Variants in USP7 observed in about 807,000 individuals in gnomAD.
USP7 encodes the protein ubiquitin specific peptidase 7.
A neutral mutation model predicts 162.9 loss-of-function variants in USP7; 9 were observed. The observed-to-expected ratio is 0.06, with a 90% CI of 0.03 to 0.10. The LOEUF (loss-of-function observed/expected upper bound fraction) is 0.10. Ranked by LOEUF, USP7 falls within the 10% of genes least tolerant of loss-of-function variation. USP7 has a pLI of 1.00. For synonymous variants in USP7, 562 were observed against 475.9 expected (o/e 1.18, Z -2.35); for missense variants, 715 against 1,373.7 (o/e 0.52, Z 7.58).
intron 1 of USP7, among the ~76,000 whole-genome samples, chr16:8,951,585 C>T (rs1899552686): frequency 6.6e-6 from 1 of 152,208 alleles, no homozygotes; most frequent in Non-Finnish European, 1.5e-5. Flanking sequence ...ATGAGGATGA[C>T]TGAGGACCTG....
intron 7 of USP7, 113 bp from the exon 8 acceptor site, chr16:8,916,669 C>A (rs188156374): frequency 7.4e-6 from 8 of 1,086,584 alleles, no homozygotes; most frequent in Non-Finnish European, 1.1e-5. Context: ...TTCTCAAATT[C>A]CTTTTCTGTG....
intron 10 of USP7, 113 bp downstream of exon 10, chr16:8,915,141 G>C: frequency 2.0e-6 from 2 of 1,017,108 alleles, no homozygotes; most frequent in Non-Finnish European, 2.8e-6. Flanking sequence ...CTTAAGATCT[G>C]AGCCATTCTC....
chr16:8,901,319 CGA>C lies in USP7; in HGVS notation c.2048-87_2048-86del. Reference sequence around the variant, plus strand: ...ACAAAAAAACAAACAAACAAAAAAACGAAAAAAAAAAAACAGTAAGCTGAATA... The same window carrying C: ...ACAAAAAAACAAACAAACAAAAAAACAAAAAAAAAAACAGTAAGCTGAATA... On this transcript the variant is annotated intron_variant, in intron 18 of 30. Transcript: ENST00000344836. The C allele has an allele frequency of 5.3e-6, 4 of 755,480 alleles. 1 individual carries two copies. Among genetic ancestry groups the C allele is most frequent in the Admixed American group, 3.7e-5 (1 of 27,006 alleles). 46.8% of individuals were successfully genotyped at this position (755,480 alleles called of 1,614,324 possible).
rs1043189480 is a variant in USP7 at position 8,894,466 on chromosome 16, C to G, written c.3202+84G>C. Reference sequence around the variant, plus strand: ...GGAGAGAGAGGAGCTGGCACTTGACCCTGGGGCTGCCCCTCCCAGCCCCAG... The same window carrying G: ...GGAGAGAGAGGAGCTGGCACTTGACGCTGGGGCTGCCCCTCCCAGCCCCAG... On this transcript the variant is annotated intron_variant, in intron 30 of 30. Coordinates refer to ENST00000344836, the MANE Select transcript of USP7 (RefSeq NM_003470.3). 12 of 1,407,750 alleles carry G rather than the reference C, an allele frequency of 8.5e-6. No individual in the cohort carries two copies. The African/African-American group carries it at 1.7e-4, about 20-fold the overall frequency. The allele number at this position is 1,407,750 out of a possible 1,614,324, so 87.2% of individuals were successfully genotyped here.
intron 1 of USP7, among the ~76,000 whole-genome samples, chr16:8,938,710 C>A (rs79983710): frequency 8.2e-5 from 12 of 145,994 alleles, no homozygotes; most frequent in Admixed American, 1.4e-4. Context: ...GACTCCGTCT[C>A]AAAAAAAAAA....
chr16:8,895,629 C>A lies in USP7; in HGVS notation c.2919+13G>T, dbSNP rs775317216. On this transcript the variant is annotated intron_variant, in intron 27 of 30. Transcript: ENST00000344836. Reference sequence around the variant, plus strand: ...GAATTCTCTCTGGTGCCAACAGTATCGGGGACAGATACCTCTATTCGAAAC... The same window carrying A: ...GAATTCTCTCTGGTGCCAACAGTATAGGGGACAGATACCTCTATTCGAAAC... The A allele has an allele frequency of 8.1e-6, 13 of 1,603,918 alleles. No homozygotes were observed. Among genetic ancestry groups the A allele is most frequent in the Non-Finnish European group, 1.1e-5 (13 of 1,172,752 alleles).
chr16:8,916,906 C>T (rs528856578), intron 7 of USP7, 120 bp downstream of exon 7: 3 of 1,162,444 alleles, frequency 2.6e-6, no homozygotes, highest in South Asian at 3.9e-5. Context: ...AATGCTCAAG[C>T]CTCCCTAAAT....
intron 1 of USP7, among the ~76,000 whole-genome samples, chr16:8,937,398 C>T (rs555248077): frequency 9.0e-4 from 137 of 152,246 alleles, no homozygotes; most frequent in Admixed American, 1.8e-3. Context: ...AAAAATTAGC[C>T]AGACGTGGTG....
chr16:8,953,167 TTC>T (rs982158353), intron 1 of USP7, among the ~76,000 whole-genome samples: 64 of 152,156 alleles, frequency 4.2e-4, no homozygotes, highest in African/African-American at 1.5e-3. Context: ...CTGTGTCGCC[TTC>T]TCTGTGAGGC....
chr16:8,950,565 G>C (rs979610491), intron 1 of USP7, among the ~76,000 whole-genome samples: 1 of 152,216 alleles, frequency 6.6e-6, no homozygotes. Context: ...GGCTGGGACA[G>C]AGCTTTCAGC....
At chr16:8,935,882 A>G (rs1898684102) in intron 1 of USP7, 1 of 152,134 alleles carries the variant, frequency 6.6e-6, no homozygotes, top group African/African-American at 2.4e-5. Context: ...CAGAACTGCT[A>G]CCCCACCAGA....
intron 1 of USP7, among the ~76,000 whole-genome samples, chr16:8,953,019 T>C (rs1374356462): frequency 2.6e-5 from 4 of 152,100 alleles, no homozygotes; most frequent in Admixed American, 6.5e-5. Context: ...GTATTTTTAG[T>C]AGAGACGGGG....
rs2061618655 is a variant in USP7 at position 8,892,766 on chromosome 16, A to G, written c.*1232T>C. 1 of 152,218 alleles carries G rather than the reference A, an allele frequency of 6.6e-6. No individual in the cohort carries two copies. The highest frequency in any genetic ancestry group is 2.1e-4 in the South Asian group (1 of 4,838). The allele number at this position is 152,218 out of a possible 1,614,324, so 9.4% of individuals were successfully genotyped here. A position where few individuals can be genotyped will look rare whatever the true frequency, so the allele number is the denominator to read the frequency against. ...ATCTTCCTCCACTTCCACGTAACTC[A>G]CTGAATTATAATTTTTATAGAAAAT... On this transcript the variant is annotated 3_prime_UTR_variant, in exon 31 of 31. Transcript: ENST00000344836.
chr16:8,962,716 G>A (rs1900063713), intron 1 of USP7: 1 of 181,192 alleles, frequency 5.5e-6, no homozygotes, highest in Non-Finnish European at 1.2e-5. Context: ...GCTAGGCAGT[G>A]CTGTTAGAAA....
chr16:8,930,421 C>T (rs754900602), intron 1 of USP7, 24 bp from the exon 2 acceptor site: 4 of 1,578,034 alleles, frequency 2.5e-6, no homozygotes, highest in African/African-American at 2.7e-5. Flanking sequence ...AAAGAAATTC[C>T]ACGGGTTTTA....
rs111878156 is a variant in USP7, at chr16:8,903,125, T to C, written c.1839+143A>G. 3.3e-4 allele frequency: 371 copies of C among 1,122,846 alleles called. No homozygotes were observed. In the African/African-American group the frequency reaches 5.0e-3, roughly 15 times the overall value. The allele number at this position is 1,122,846 out of a possible 1,614,324, so 69.6% of individuals were successfully genotyped here. A position where few individuals can be genotyped will look rare whatever the true frequency, so the allele number is the denominator to read the frequency against. ...TTCTTGCACTTTCTCAGGCAGGAAA[T>C]GTTCCTGGGTCACACTCCTCACTGT... On this transcript the variant is annotated intron_variant, in intron 16 of 30. Transcript: ENST00000344836.
chr16:8,949,318 T>C (rs564650250), intron 1 of USP7, among the ~76,000 whole-genome samples: 1 of 152,310 alleles, frequency 6.6e-6, no homozygotes, highest in East Asian at 1.9e-4. Context: ...GGATTGAAAC[T>C]GAGACATAAA....
At chr16:8,905,080 G>A (rs2141179852) in intron 14 of USP7, 107 bp downstream of exon 14, 1 of 1,399,696 alleles carries the variant, frequency 7.1e-7, no homozygotes, top group Non-Finnish European at 1.0e-6. Flanking sequence ...TGAATACAAT[G>A]GAATAAGCAT....
Position 8,904,527 on chromosome 16 carries a change from G to T in USP7, c.1612C>A (p.Gln538Lys). ...TCTTGTAATCGCTCCACCAACTGCT[G>T]AGGAATATCATGGTCGGTGACCGCC... ...LQAVTDHDIP[Q>K]QLVERLQEEK... is the part of the protein sequence containing the mutation. Residue 538 changes from glutamine to lysine, a missense_variant, in exon 15 of 31, where the codon CAG becomes AAG. By Grantham distance (53) the Gln-to-Lys change is moderately conservative. Transcript: ENST00000344836. 5 of 1,614,182 alleles carry T rather than the reference G, an allele frequency of 3.1e-6. No individual in the cohort carries two copies. The highest frequency in any genetic ancestry group is 4.2e-6 in the Non-Finnish European group (5 of 1,180,038).
Sources: gnomAD v4.1 joint callset for allele counts (sites outside exome capture counted in the v4.1 genomes callset) on GRCh38, gnomAD v4.1.1 for gene constraint, MANE v1.5 for transcripts, NCBI Gene and HGNC (gene_info 2026-07-23, HGNC 2026-07-21) for gene names.